TMC2: variants seen among roughly 807,000 people sequenced by gnomAD.
TMC2 encodes the protein transmembrane channel-like protein 2.
Under a neutral mutation model 105.9 loss-of-function variants are expected in TMC2, and 102 were observed. The ratio of observed to expected loss-of-function variants is 0.96; its 90% confidence interval spans 0.82 to 1.14. The LOEUF is 1.14. Ranked by LOEUF, TMC2 falls within the 50% of genes most tolerant of loss-of-function variation. The probability of loss-of-function intolerance (pLI) is 0.00; values close to 1 mark genes in which losing one functional copy is unlikely to be tolerated. For synonymous variants in TMC2, 402 were observed against 422.8 expected, an observed-to-expected ratio of 0.95 and a Z score of 0.60; for missense variants, 1,093 against 1,134.3, an observed-to-expected ratio of 0.96 and a Z score of 0.52.
intron 17 of TMC2, among the ~76,000 whole-genome samples, chr20:2,631,525 T>G (rs993039561): frequency 2.6e-5 from 4 of 152,230 alleles, no homozygotes; most frequent in Admixed American, 2.0e-4. Context: ...AGAACAGTTT[T>G]GCTGGATTTA....
At chr20:2,608,941 G>T (rs2086414334) in intron 11 of TMC2, among the ~76,000 whole-genome samples, 1 of 152,154 alleles carries the variant, frequency 6.6e-6, no homozygotes. Flanking sequence ...CTCACACATA[G>T]TAAGTGCTTA....
intron 2 of TMC2, among the ~76,000 whole-genome samples, chr20:2,556,554 T>G (rs952743644): frequency 1.3e-5 from 2 of 152,096 alleles, no homozygotes; most frequent in East Asian, 3.9e-4. Flanking sequence ...GAGAATCTCT[T>G]GAGGCCAGGA....
chr20:2,539,990 C>CTTTTCTT (rs370431392), intron 2 of TMC2, among the ~76,000 whole-genome samples: 1 of 115,118 alleles, frequency 8.7e-6, no homozygotes, highest in Non-Finnish European at 1.7e-5. Flanking sequence ...CTTTTCTTTT[C>CTTTTCTT]TTTTTTTTTT....
intron 17 of TMC2, 54 bp downstream of exon 17, chr20:2,624,450 G>A: frequency 6.3e-7 from 1 of 1,578,206 alleles, no homozygotes; most frequent in African/African-American, 1.4e-5. Context: ...CCTTGAATTT[G>A]AGACTTCCTT....
chr20:2,641,293 C>A lies in TMC2; in HGVS notation c.2663C>A (p.Ser888Tyr), dbSNP rs1376250799. 1 of 1,614,046 alleles carries A rather than the reference C, an allele frequency of 6.2e-7. No individual in the cohort carries two copies. The highest frequency in any genetic ancestry group is 1.3e-5 in the African/African-American group (1 of 74,932). ...GGACCAGATTCTGGCCACGCCCCAT[C>A]TCAGACTCATCCGTGGAGGTCAGCC... ...GIGPDSGHAP[S>Y]QTHPWRSASG... The change falls in exon 20 of 20, where the codon TCT (serine) becomes TAT (tyrosine). Residue 888 changes from serine to tyrosine, a missense_variant. Transcript: ENST00000358864.
At chr20:2,582,727 C>T (rs1186498678) in intron 7 of TMC2, among the ~76,000 whole-genome samples, 1 of 152,234 alleles carries the variant, frequency 6.6e-6, no homozygotes. Flanking sequence ...CTGCTCGCCT[C>T]AGCCTCCCAA....
intron 7 of TMC2, among the ~76,000 whole-genome samples, chr20:2,589,269 C>CGTGTGTGTGT (rs764448789): frequency 0.057 from 4,847 of 84,604 alleles, 477 homozygotes; most frequent in Middle Eastern, 0.083. Flanking sequence ...TCCTATTTGC[C>CGTGTGTGTGT]CTGTGTGTGT....
chr20:2,629,088 T>C (rs983928091), intron 17 of TMC2, among the ~76,000 whole-genome samples: 14 of 152,012 alleles, frequency 9.2e-5, no homozygotes, highest in Admixed American at 7.2e-4. Context: ...GGCGACAGAG[T>C]GAGACTCCAT....
At position 2,642,815 on chromosome 20, in the gene TMC2, C is replaced by T. The variant is rs113643042; in HGVS notation, c.*1464C>T. On this transcript the variant is annotated 3_prime_UTR_variant, in exon 20 of 20. Transcript: ENST00000358864. ...AGAGGGCCCCAGAGACCCTCTCACC[C>T]ATGTCTCTGAGTGTTCTAAAGAGAG... Among the ~76,000 whole-genome samples, 6 of 152,044 alleles carry T rather than the reference C, an allele frequency of 3.9e-5. No individual in the cohort carries two copies. The highest frequency in any genetic ancestry group is 1.5e-4 in the African/African-American group (6 of 41,342).
Position 2,637,512 on chromosome 20 carries a change from C to T in TMC2, c.2424C>T (p.Gly808=). 6.2e-7 allele frequency: 1 copy of T among 1,613,896 alleles called. No homozygotes were observed. Among genetic ancestry groups the T allele is most frequent in the South Asian group, 1.1e-5 (1 of 91,074 alleles). The change falls in exon 19 of 20, where the codon GGC becomes GGT. Residue 808 remains glycine (G), a synonymous_variant. Coordinates refer to ENST00000358864, the MANE Select transcript of TMC2 (RefSeq NM_080751.3). ...AGAAGAGTCACAAATCTGTAAAAGGCAAAGCCACAGCCAGAGATTCAGAGG... is the reference window on the plus strand; with the variant it reads ...AGAAGAGTCACAAATCTGTAAAAGGTAAAGCCACAGCCAGAGATTCAGAGG... ...EVEKSHKSVK[G]KATARDSEDT...
rs942219702 is a variant in TMC2, at chr20:2,599,023, G to A, written c.1224+1725G>A. ...TAGGGTTCTAAGTTGCAGTTGGAGT[G>A]TATGTATAATTGAGTGGTTGGGTTT... On this transcript the variant is annotated intron_variant, in intron 10 of 19. Coordinates refer to ENST00000358864, the MANE Select transcript of TMC2 (RefSeq NM_080751.3). 2.6e-5 allele frequency among the ~76,000 whole-genome samples: 4 copies of A among 152,142 alleles called. No individual in the cohort carries two copies. In the East Asian group the frequency reaches 5.8e-4, roughly 22 times the overall value.
chr20:2,576,966 T>C (rs2086151253), intron 5 of TMC2, among the ~76,000 whole-genome samples: 1 of 147,838 alleles, frequency 6.8e-6, no homozygotes. Flanking sequence ...TGGAGTGCAG[T>C]GGTGTGATCT....
At chr20:2,539,673 C>T (rs1442692140) in intron 2 of TMC2, among the ~76,000 whole-genome samples, 1 of 152,196 alleles carries the variant, frequency 6.6e-6, no homozygotes, top group Non-Finnish European at 1.5e-5. Context: ...GGGGTCATGG[C>T]TGTGATAATA....
At chr20:2,553,050 G>C (rs1000972474) in intron 2 of TMC2, among the ~76,000 whole-genome samples, 2 of 152,064 alleles carry the variant, frequency 1.3e-5, no homozygotes, top group African/African-American at 2.4e-5. Flanking sequence ...TGTGAACAAA[G>C]ACAGTTTTAT....
intron 4 of TMC2, among the ~76,000 whole-genome samples, chr20:2,565,675 T>C (rs2086059149): frequency 6.6e-6 from 1 of 152,146 alleles, no homozygotes; most frequent in South Asian, 2.1e-4. Flanking sequence ...GAAATAGTAG[T>C]GTGGGGGCCC....
chr20:2,612,309 G>C lies in TMC2; in HGVS notation c.1712G>C (p.Arg571Pro). Residue 571 changes from arginine to proline, a missense_variant, in exon 13 of 20, where the codon CGG becomes CCG. Coordinates refer to ENST00000358864, the MANE Select transcript of TMC2 (RefSeq NM_080751.3). Reference protein sequence around the residue: ...RPPLHPADVPRGSCWETAVGI... With the variant: ...RPPLHPADVPPGSCWETAVGI... ...CCCCTGCACCCTGCAGATGTGCCCC[G>C]GGGTTCTTGCTGGGAGACAGCTGTG... 6.3e-7 allele frequency: 1 copy of C among 1,588,894 alleles called. No individual in the cohort carries two copies. The highest frequency in any genetic ancestry group is 1.2e-5 in the South Asian group (1 of 86,646).
chr20:2,633,378 T>C (rs557228139), intron 17 of TMC2, among the ~76,000 whole-genome samples: 1 of 152,342 alleles, frequency 6.6e-6, no homozygotes, highest in South Asian at 2.1e-4. Context: ...CAGTTCTCTA[T>C]AGATTCCCAG....
At chr20:2,637,832 A>G (rs953800196) in intron 19 of TMC2, among the ~76,000 whole-genome samples, 5 of 152,226 alleles carry the variant, frequency 3.3e-5, no homozygotes, top group Admixed American at 2.0e-4. Flanking sequence ...ACAGAGAATG[A>G]GCCAATGAAT....
intron 5 of TMC2, among the ~76,000 whole-genome samples, chr20:2,578,667 C>T (rs932442252): frequency 2.6e-5 from 4 of 152,184 alleles, no homozygotes; most frequent in East Asian, 1.9e-4. Context: ...TTGAGATCTC[C>T]TTATCAGTTG....
Sources: gnomAD v4.1 joint callset for allele counts (sites outside exome capture counted in the v4.1 genomes callset) on GRCh38, gnomAD v4.1.1 for gene constraint, MANE v1.5 for transcripts, NCBI Gene and HGNC (gene_info 2026-07-23, HGNC 2026-07-21) for gene names.